The following NAA11 variants were observed in gnomAD, a reference collection of about 807,000 sequenced individuals.
NAA11 encodes N-alpha-acetyltransferase 11, NatA catalytic subunit.
NAA11 carries 15 observed loss-of-function variants against 16.1 expected under a neutral mutation model. That is an observed-to-expected ratio of 0.93 (90% CI 0.62 to 1.44). The LOEUF is 1.44. Among genes scored for constraint, NAA11 ranks in the 40% most tolerant of loss-of-function variants. The pLI is 0.00. For synonymous variants in NAA11, 122 were observed against 112.4 expected, an observed-to-expected ratio of 1.09 and a Z score of -0.54; for missense variants, 298 against 291.3, an observed-to-expected ratio of 1.02 and a Z score of -0.17.
the NAA11 span, among the ~76,000 whole-genome samples, chr4:79,190,730 T>G: frequency 6.6e-6 from 1 of 152,166 alleles, no homozygotes; most frequent in Non-Finnish European, 1.5e-5. Context: ...GGTAAACTTG[T>G]GTTACAGGGT....
chr4:79,297,643 T>G (rs1267997961), intron 1 of NAA11, among the ~76,000 whole-genome samples: 2 of 152,312 alleles, frequency 1.3e-5, no homozygotes, highest in East Asian at 1.9e-4. Context: ...CTCGGGGTAT[T>G]GCTGACATGC....
the NAA11 span, among the ~76,000 whole-genome samples, chr4:79,197,122 A>G: frequency 6.6e-6 from 1 of 151,984 alleles, no homozygotes; most frequent in African/African-American, 2.4e-5. Context: ...ATATTGTTTT[A>G]AGCTACTGAA....
the NAA11 span, among the ~76,000 whole-genome samples, chr4:79,175,716 A>G: frequency 6.7e-6 from 1 of 148,804 alleles, no homozygotes; most frequent in East Asian, 2.0e-4. Context: ...TAGACTATGC[A>G]TACAGCTTTT....
downstream of NAA11, among the ~76,000 whole-genome samples, chr4:79,223,316 TA>T (rs1325342001): frequency 6.7e-6 from 1 of 148,244 alleles, no homozygotes; most frequent in Non-Finnish European, 1.5e-5. Context: ...TATGCAGCCA[TA>T]AAAAATGATG....
At chr4:79,211,338 GGTGA>G in the NAA11 span, among the ~76,000 whole-genome samples, 1 of 151,976 alleles carries the variant, frequency 6.6e-6, no homozygotes, top group Non-Finnish European at 1.5e-5. Flanking sequence ...ATTTGTCTTC[GGTGA>G]GTATGTAATT....
At chr4:79,295,399 T>C (rs187337174) in intron 1 of NAA11, among the ~76,000 whole-genome samples, 4 of 152,330 alleles carry the variant, frequency 2.6e-5, no homozygotes, top group Admixed American at 6.5e-5. Context: ...GAAAAGATTG[T>C]TGACTAAGGG....
At chr4:79,204,968 G>C in the NAA11 span, among the ~76,000 whole-genome samples, 1 of 110,302 alleles carries the variant, frequency 9.1e-6, no homozygotes, top group Non-Finnish European at 2.1e-5. Context: ...TTATTCCATG[G>C]TGTGGGTGTG....
At chr4:79,173,908 G>A in the NAA11 span, among the ~76,000 whole-genome samples, 24 of 152,222 alleles carry the variant, frequency 1.6e-4, no homozygotes, top group Non-Finnish European at 3.1e-4. Context: ...GAAGTTTGGG[G>A]GTTTGGTAAT....
intron 2 of NAA11, among the ~76,000 whole-genome samples, chr4:79,264,266 G>C (rs1201800585): frequency 2.6e-5 from 4 of 152,100 alleles, no homozygotes; most frequent in Admixed American, 2.6e-4. Context: ...ATGTCTGTTG[G>C]ATCTTAAACT....
chr4:79,240,316 G>A (rs1390507106), intron 2 of NAA11, among the ~76,000 whole-genome samples: 1 of 152,150 alleles, frequency 6.6e-6, no homozygotes, highest in Non-Finnish European at 1.5e-5. Context: ...AGATGGAATG[G>A]CTTACTAAAG....
intron 2 of NAA11, among the ~76,000 whole-genome samples, chr4:79,261,270 A>G (rs1722239200): frequency 6.6e-6 from 1 of 152,222 alleles, no homozygotes; most frequent in South Asian, 2.1e-4. Context: ...CTTGGACAAC[A>G]TGACTATCTT....
the NAA11 span, among the ~76,000 whole-genome samples, chr4:79,213,646 A>C: frequency 6.6e-6 from 1 of 152,146 alleles, no homozygotes; most frequent in Non-Finnish European, 1.5e-5. Flanking sequence ...TATATGCCAG[A>C]ATATCATATG....
intron 1 of NAA11, among the ~76,000 whole-genome samples, chr4:79,322,116 A>T (rs1226099746): frequency 6.6e-6 from 1 of 152,214 alleles, no homozygotes; most frequent in Non-Finnish European, 1.5e-5. Context: ...TAGAGCAGTT[A>T]GCCTGTGCAG....
chr4:79,292,713 T>G (rs1362238291), intron 2 of NAA11, among the ~76,000 whole-genome samples: 2 of 152,234 alleles, frequency 1.3e-5, no homozygotes, highest in Non-Finnish European at 2.9e-5. Context: ...TCTCTGTTAC[T>G]CAGTACAAAG....
the NAA11 span, among the ~76,000 whole-genome samples, chr4:79,168,376 A>G: frequency 6.6e-6 from 1 of 152,124 alleles, no homozygotes; most frequent in Non-Finnish European, 1.5e-5. Context: ...AATCCTTTGG[A>G]TATATACCTA....
At chr4:79,194,591 G>C in the NAA11 span, among the ~76,000 whole-genome samples, 1 of 152,026 alleles carries the variant, frequency 6.6e-6, no homozygotes, top group African/African-American at 2.4e-5. Flanking sequence ...GGAACTAAAA[G>C]GCCTGATTTG....
chr4:79,176,851 A>G, the NAA11 span, among the ~76,000 whole-genome samples: 1 of 152,166 alleles, frequency 6.6e-6, no homozygotes, highest in Non-Finnish European at 1.5e-5. Flanking sequence ...CCCAAGGACA[A>G]GAGATTACTT....
the NAA11 span, among the ~76,000 whole-genome samples, chr4:79,178,716 A>G: frequency 6.6e-6 from 1 of 152,188 alleles, no homozygotes; most frequent in Non-Finnish European, 1.5e-5. Context: ...GATGAGTGCT[A>G]TAAAAGAAAA....
chr4:79,323,701 G>A (rs1437095210), intron 1 of NAA11, among the ~76,000 whole-genome samples: 1 of 152,052 alleles, frequency 6.6e-6, no homozygotes, highest in East Asian at 1.9e-4. Flanking sequence ...GGCGCCTGTA[G>A]TCCCAGCTAC....
Sources: gnomAD v4.1 joint callset for allele counts (sites outside exome capture counted in the v4.1 genomes callset) on GRCh38, gnomAD v4.1.1 for gene constraint, MANE v1.5 for transcripts, NCBI Gene and HGNC (gene_info 2026-07-23, HGNC 2026-07-21) for gene names.